DNAH11: variants seen among roughly 807,000 people sequenced by gnomAD.
DNAH11 encodes axonemal beta dynein heavy chain 11.
Under a neutral mutation model 526.0 loss-of-function variants are expected in DNAH11, and 442 were observed. That is an observed-to-expected ratio of 0.84 (90% CI 0.78 to 0.91). The LOEUF is 0.91. Among genes scored for constraint, DNAH11 ranks in the 40% least tolerant of loss-of-function variants. The probability of loss-of-function intolerance (pLI) is 0.00; values close to 1 mark genes in which losing one functional copy is unlikely to be tolerated. For synonymous variants in DNAH11, 2,461 were observed against 1,935.9 expected (o/e 1.27, Z -7.12); for missense variants, 6,989 against 5,448.7 (o/e 1.28, Z -8.90).
At chr7:21,852,354 C>A in intron 66 of DNAH11, 113 bp from the exon 67 acceptor site, 2 of 1,135,806 alleles carry the variant, frequency 1.8e-6, no homozygotes, top group Non-Finnish European at 2.4e-6. Flanking sequence ...TCGCAGTGAG[C>A]CAAGATCATA....
chr7:21,544,266 A>G (rs973003708), intron 1 of DNAH11, among the ~76,000 whole-genome samples: 1 of 152,188 alleles, frequency 6.6e-6, no homozygotes, highest in Non-Finnish European at 1.5e-5. Context: ...AAGATTCACA[A>G]TTTTTAAGTA....
intron 2 of DNAH11, among the ~76,000 whole-genome samples, chr7:21,553,570 C>G (rs548284427): frequency 6.6e-6 from 1 of 152,196 alleles, no homozygotes; most frequent in African/African-American, 2.4e-5. Flanking sequence ...GAACTCCCCC[C>G]ACAGTCTTCA....
intron 65 of DNAH11, among the ~76,000 whole-genome samples, chr7:21,834,378 C>A (rs912323523): frequency 6.6e-6 from 1 of 151,910 alleles, no homozygotes; most frequent in African/African-American, 2.4e-5. Flanking sequence ...ATTCCTACAT[C>A]GAAAAATTGA....
rs71026810 is a variant in DNAH11, at chr7:21,647,427, C to CTTTTTT, written c.4944+8377_4944+8382dup. ...CAGTGGAGTAGCAATTTCTTTCTTT[C>CTTTTTT]TTTTTTTTTTTTTTTTTTTTGAGAC... On this transcript the variant is annotated intron_variant, in intron 28 of 81. Coordinates refer to ENST00000409508, the MANE Select transcript of DNAH11 (RefSeq NM_001277115.2). Among the ~76,000 whole-genome samples the CTTTTTT allele has an allele frequency of 2.1e-3, 252 of 121,054 alleles. 1 individual carries two copies. Among genetic ancestry groups the CTTTTTT allele is most frequent in the Non-Finnish European group, 3.3e-3 (199 of 59,624 alleles). 79.4% of individuals were successfully genotyped at this position (121,054 alleles called of 152,430 possible).
At chr7:21,652,159 A>G (rs1781805192) in intron 28 of DNAH11, among the ~76,000 whole-genome samples, 6 of 152,230 alleles carry the variant, frequency 3.9e-5, no homozygotes, top group Admixed American at 3.3e-4. Flanking sequence ...AGTGATATGC[A>G]GCCAGGGGAA....
At chr7:21,704,816 G>A (rs775156343) in intron 38 of DNAH11, among the ~76,000 whole-genome samples, 188 bp downstream of exon 38, 27 of 152,178 alleles carry the variant, frequency 1.8e-4, no homozygotes, top group Non-Finnish European at 2.6e-4. Context: ...GCCCCTCTCC[G>A]TAAGGTGAAA....
chr7:21,654,422 C>A (rs890256517), intron 28 of DNAH11, among the ~76,000 whole-genome samples: 2 of 152,160 alleles, frequency 1.3e-5, no homozygotes, highest in Admixed American at 6.5e-5. Flanking sequence ...CAGTAATATT[C>A]CTTTTAATGA....
chr7:21,792,484 C>G (rs1046225650), intron 61 of DNAH11, among the ~76,000 whole-genome samples: 6 of 152,142 alleles, frequency 3.9e-5, no homozygotes, highest in Non-Finnish European at 7.4e-5. Context: ...TGGTATTATT[C>G]AACTGTTTGG....
At chr7:21,817,407 A>G (rs973512803) in intron 64 of DNAH11, among the ~76,000 whole-genome samples, 2 of 151,796 alleles carry the variant, frequency 1.3e-5, no homozygotes, top group African/African-American at 2.4e-5. Flanking sequence ...TAGGCCAGGT[A>G]CAGTAGCTCA....
rs8180768 is a variant in DNAH11 at position 21,617,567 on chromosome 7, A to G, written c.4096-52A>G. 0.15 allele frequency: 240,412 copies of G among 1,589,066 alleles called. 18,875 individuals carry two copies. The highest frequency in any genetic ancestry group is 0.17 in the East Asian group (7,647 of 44,258). On this transcript the variant is annotated intron_variant, in intron 22 of 81. Transcript: ENST00000409508. ...ATGTCAAAGGAGGCAAATTATTAATATATACTGTGTTATATCTTGGGAGCT... is the reference window on the plus strand; with the variant it reads ...ATGTCAAAGGAGGCAAATTATTAATGTATACTGTGTTATATCTTGGGAGCT...
chr7:21,842,544 G>C lies in DNAH11; in HGVS notation c.10692G>C (p.Lys3564Asn). 1 of 1,613,532 alleles carries C rather than the reference G, an allele frequency of 6.2e-7. No individual in the cohort carries two copies. The highest frequency in any genetic ancestry group is 8.5e-7 in the Non-Finnish European group (1 of 1,179,600). ...LLGRNTIKKG[K>N]YIRIGDKECE... The stretch of plus-strand genomic sequence containing the variant: ...AAAGTCTGTGTTTTGCTCCGTTTAG[G>C]TATATCAGGATTGGAGATAAAGAAT... The change falls in exon 66 of 82, where the codon AAG (lysine) becomes AAC (asparagine). Residue 3564 changes from lysine (K) to asparagine (N), a missense_variant and splice_region_variant. By Grantham distance (94) the Lys-to-Asn change is moderately conservative (BLOSUM62 0). Transcript: ENST00000409508.
intron 76 of DNAH11, among the ~76,000 whole-genome samples, chr7:21,888,821 A>T (rs1784224535): frequency 6.6e-6 from 1 of 152,162 alleles, no homozygotes; most frequent in Non-Finnish European, 1.5e-5. Context: ...TTATATTTTC[A>T]TGATGTGGAG....
At chr7:21,835,701 A>G (rs970221888) in intron 65 of DNAH11, among the ~76,000 whole-genome samples, 5 of 152,122 alleles carry the variant, frequency 3.3e-5, no homozygotes, top group African/African-American at 1.2e-4. Context: ...AATCTGAAAC[A>G]AGACAAGGAT....
intron 42 of DNAH11, among the ~76,000 whole-genome samples, chr7:21,717,297 C>G (rs1784704485): frequency 6.6e-6 from 1 of 152,066 alleles, no homozygotes. Context: ...ATTGGAGTTA[C>G]ATTCAGTCCA....
At chr7:21,579,208 T>C (rs1784218844) in intron 8 of DNAH11, among the ~76,000 whole-genome samples, 1 of 152,190 alleles carries the variant, frequency 6.6e-6, no homozygotes, top group Non-Finnish European at 1.5e-5. Flanking sequence ...ATAAAGGCAA[T>C]TATGCAGTTT....
intron 66 of DNAH11, among the ~76,000 whole-genome samples, chr7:21,848,334 A>ATCTCTC (rs145963018): frequency 0.47 from 69,355 of 148,684 alleles, 18,316 homozygotes; most frequent in Non-Finnish European, 0.62. Flanking sequence ...ATCTTTCTCC[A>ATCTCTC]TCTCTCTCTC....
intron 67 of DNAH11, among the ~76,000 whole-genome samples, chr7:21,853,935 T>A (rs976823144): frequency 6.6e-6 from 1 of 152,194 alleles, no homozygotes; most frequent in African/African-American, 2.4e-5. Context: ...GTTATTGGCA[T>A]TGAATTGACC....
intron 31 of DNAH11, among the ~76,000 whole-genome samples, chr7:21,682,744 T>TGTTTTTTTCTGG (rs1165003297): frequency 6.6e-6 from 1 of 152,186 alleles, no homozygotes; most frequent in Non-Finnish European, 1.5e-5. Context: ...AGTGTTTCTG[T>TGTTTTTTTCTGG]GTTTTTTTCT....
intron 65 of DNAH11, among the ~76,000 whole-genome samples, chr7:21,840,568 C>T (rs11763291): frequency 0.44 from 67,123 of 151,890 alleles, 17,922 homozygotes; most frequent in Non-Finnish European, 0.6. Context: ...TTCCAGTATT[C>T]GTGGTTTTGG....
Sources: gnomAD v4.1 joint callset for allele counts (sites outside exome capture counted in the v4.1 genomes callset) on GRCh38, gnomAD v4.1.1 for gene constraint, MANE v1.5 for transcripts, NCBI Gene and HGNC (gene_info 2026-07-23, HGNC 2026-07-21) for gene names.